MTUS1: variants seen among roughly 807,000 people sequenced by gnomAD.
MTUS1 encodes microtubule-associated tumor suppressor 1.
Under a neutral mutation model 120.8 loss-of-function variants are expected in MTUS1, and 109 were observed. The ratio of observed to expected loss-of-function variants is 0.90; its 90% confidence interval spans 0.77 to 1.06. The LOEUF (loss-of-function observed/expected upper bound fraction) is 1.06, where lower values mean the gene tolerates loss of function less well. Among genes scored for constraint, MTUS1 ranks in the 50% least tolerant of loss-of-function variants. The probability of loss-of-function intolerance (pLI) is 0.00; values close to 1 mark genes in which losing one functional copy is unlikely to be tolerated. For missense variants in MTUS1, 2,210 were observed against 1,486.3 expected (o/e 1.49, Z -8.01); for synonymous variants, 737 against 550.5 (o/e 1.34, Z -4.74).
chr8:17,676,307 A>C (rs1278430471), intron 7 of MTUS1: 7 of 703,096 alleles, frequency 1.0e-5, no homozygotes, highest in Non-Finnish European at 2.6e-6. Context: ...ATAGAGGCAC[A>C]GTTTGCTGCT....
intron 1 of MTUS1, among the ~76,000 whole-genome samples, chr8:17,777,950 T>G (rs1463864194): frequency 6.6e-6 from 1 of 152,132 alleles, no homozygotes; most frequent in Non-Finnish European, 1.5e-5. Flanking sequence ...AGGAAAAATA[T>G]TTTTGTGTTT....
chr8:17,727,514 A>G (rs1361297455), intron 3 of MTUS1, among the ~76,000 whole-genome samples: 1 of 152,244 alleles, frequency 6.6e-6, no homozygotes, highest in Admixed American at 6.5e-5. Flanking sequence ...CAACAAAGAC[A>G]TATAACTATT....
chr8:17,739,896 A>C (rs2047186119), intron 3 of MTUS1, among the ~76,000 whole-genome samples: 1 of 152,180 alleles, frequency 6.6e-6, no homozygotes, highest in East Asian at 1.9e-4. Context: ...GGTTTGTTAT[A>C]ATCTCTTATA....
At chr8:17,732,840 C>G (rs1448165166) in intron 3 of MTUS1, among the ~76,000 whole-genome samples, 2 of 152,128 alleles carry the variant, frequency 1.3e-5, no homozygotes, top group Admixed American at 1.3e-4. Context: ...GCTTTACCTT[C>G]AAGCACATAC....
At chr8:17,693,231 G>A (rs978305330) in intron 6 of MTUS1, 3 of 152,122 alleles carry the variant, frequency 2.0e-5, no homozygotes, top group African/African-American at 7.2e-5. Context: ...TTAATACTTT[G>A]GTAAAAAGAC....
At chr8:17,791,621 T>C (rs1234420648) in intron 1 of MTUS1, among the ~76,000 whole-genome samples, 1 of 152,214 alleles carries the variant, frequency 6.6e-6, no homozygotes, top group Non-Finnish European at 1.5e-5. Flanking sequence ...AGCAGCTCAC[T>C]AGACTTAAAC....
intron 6 of MTUS1, among the ~76,000 whole-genome samples, chr8:17,709,480 T>A (rs1820836672): frequency 6.6e-6 from 1 of 152,126 alleles, no homozygotes; most frequent in Non-Finnish European, 1.5e-5. Flanking sequence ...ACAAGGCCCC[T>A]GCTCATTCTT....
At chr8:17,778,675 G>A (rs2050641470) in intron 1 of MTUS1, among the ~76,000 whole-genome samples, 1 of 152,050 alleles carries the variant, frequency 6.6e-6, no homozygotes, top group African/African-American at 2.4e-5. Flanking sequence ...CAGGTGTGGT[G>A]GTGGGTGCCT....
intron 3 of MTUS1, among the ~76,000 whole-genome samples, chr8:17,724,790 C>T (rs1191486070): frequency 6.6e-6 from 1 of 152,148 alleles, no homozygotes; most frequent in African/African-American, 2.4e-5. Flanking sequence ...TTGTCCTATG[C>T]GGATGAATCC....
chr8:17,788,752 C>A (rs1457918247), intron 1 of MTUS1, among the ~76,000 whole-genome samples: 1 of 152,094 alleles, frequency 6.6e-6, no homozygotes, highest in Admixed American at 6.6e-5. Context: ...AAAATAAAGC[C>A]CTTGCTCTCT....
intron 6 of MTUS1, chr8:17,697,650 CTCTGAACCACA>C: frequency 8.4e-7 from 1 of 1,183,432 alleles, no homozygotes. Flanking sequence ...TAGAAGCTGC[CTCTGAACCACA>C]TCACACTGTG....
intron 3 of MTUS1, among the ~76,000 whole-genome samples, chr8:17,741,215 T>A (rs2047296878): frequency 6.6e-6 from 1 of 152,088 alleles, no homozygotes. Flanking sequence ...CCACCCCTAC[T>A]GGATTAGGAT....
intron 1 of MTUS1, among the ~76,000 whole-genome samples, chr8:17,783,099 C>T (rs1016644284): frequency 6.6e-6 from 1 of 152,126 alleles, no homozygotes; most frequent in Non-Finnish European, 1.5e-5. Context: ...AACAAACACA[C>T]ACACGCCCTT....
chr8:17,695,798 A>G (rs12677450), intron 6 of MTUS1, among the ~76,000 whole-genome samples: 6,639 of 152,268 alleles, frequency 0.044, 285 homozygotes, highest in African/African-American at 0.11. Flanking sequence ...TTATTTCTGT[A>G]TAACAAAAAA....
At chr8:17,761,284 T>C (rs923292636) in intron 1 of MTUS1, among the ~76,000 whole-genome samples, 1 of 152,168 alleles carries the variant, frequency 6.6e-6, no homozygotes, top group East Asian at 1.9e-4. Flanking sequence ...TCCCCAAAGA[T>C]AAAAAATTCC....
At chr8:17,797,153 T>C (rs2052309056) in intron 1 of MTUS1, among the ~76,000 whole-genome samples, 1 of 152,032 alleles carries the variant, frequency 6.6e-6, no homozygotes, top group South Asian at 2.1e-4. Context: ...GGCTCATGCC[T>C]CTAATCCTAG....
At chr8:17,773,316 C>T (rs1433583119) in intron 1 of MTUS1, among the ~76,000 whole-genome samples, 5 of 152,084 alleles carry the variant, frequency 3.3e-5, no homozygotes, top group South Asian at 4.1e-4. Flanking sequence ...AAGAGTCATG[C>T]TAGCCACACT....
intron 8 of MTUS1, among the ~76,000 whole-genome samples, chr8:17,664,867 C>T (rs574981392): frequency 6.6e-6 from 1 of 152,162 alleles, no homozygotes; most frequent in Admixed American, 6.5e-5. Context: ...ACCAAGAAGT[C>T]ATTTTTAAAC....
At chr8:17,670,384 G>C (rs756473970) in intron 8 of MTUS1, among the ~76,000 whole-genome samples, 1 of 152,180 alleles carries the variant, frequency 6.6e-6, no homozygotes, top group Non-Finnish European at 1.5e-5. Flanking sequence ...TGAAACCCTT[G>C]CTATATACTA....
Sources: gnomAD v4.1 joint callset for allele counts (sites outside exome capture counted in the v4.1 genomes callset) on GRCh38, gnomAD v4.1.1 for gene constraint, MANE v1.5 for transcripts, NCBI Gene and HGNC (gene_info 2026-07-23, HGNC 2026-07-21) for gene names.